D2HGDH: variants seen among roughly 807,000 people sequenced by gnomAD.
D2HGDH encodes the protein D-2-hydroxyglutarate dehydrogenase.
A neutral mutation model predicts 46.9 loss-of-function variants in D2HGDH; 31 were observed. The ratio of observed to expected loss-of-function variants is 0.66; its 90% CI spans 0.50 to 0.89. The LOEUF (loss-of-function observed/expected upper bound fraction) is 0.89. D2HGDH is among the 40% of genes least tolerant of loss of function. The pLI, the probability that D2HGDH is intolerant of heterozygous loss-of-function variation, is 0.00. For synonymous variants in D2HGDH, 364 were observed against 332.6 expected (o/e 1.09, Z -1.03); for missense variants, 698 against 720.8 (o/e 0.97, Z 0.36).
At chr2:241,759,876 G>A (rs992977284) in intron 9 of D2HGDH, among the ~76,000 whole-genome samples, 8 of 152,224 alleles carry the variant, frequency 5.3e-5, no homozygotes, top group South Asian at 2.1e-4. Flanking sequence ...AATTCTCTGC[G>A]TCCACTTGTC....
chr2:241,741,492 T>C (rs1286994479), intron 3 of D2HGDH, among the ~76,000 whole-genome samples: 3 of 151,606 alleles, frequency 2.0e-5, no homozygotes, highest in Admixed American at 2.0e-4. Flanking sequence ...TTATTTCATG[T>C]GTGGGGCTTG....
intron 3 of D2HGDH, among the ~76,000 whole-genome samples, chr2:241,741,396 G>C (rs554867190): frequency 6.6e-6 from 1 of 152,358 alleles, no homozygotes; most frequent in Admixed American, 6.5e-5. Context: ...TGTGGACAGT[G>C]CTTTAGATCA....
At position 241,768,199 on chromosome 2, in the gene D2HGDH, C is replaced by G; in HGVS notation, c.*230C>G. On this transcript the variant is annotated 3_prime_UTR_variant, in exon 10 of 10. Coordinates refer to ENST00000321264, the MANE Select transcript of D2HGDH (RefSeq NM_152783.5). The stretch of plus-strand genomic sequence containing the variant: ...CCTCCTTTGCAGGGCGAGGTGGGGC[C>G]TCTGCAGCCATCCTGGACAGGCCGG... The G allele has an allele frequency of 1.5e-6, 1 of 676,660 alleles. No individual in the cohort carries two copies. The highest frequency in any genetic ancestry group is 2.4e-6 in the Non-Finnish European group (1 of 411,670). 41.9% of individuals were successfully genotyped at this position (676,660 alleles called of 1,614,324 possible).
intron 6 of D2HGDH, among the ~76,000 whole-genome samples, chr2:241,745,825 C>A (rs1476182458): frequency 1.3e-5 from 2 of 152,178 alleles, no homozygotes; most frequent in Non-Finnish European, 2.9e-5. Flanking sequence ...CTCTTTTCCA[C>A]AGGCGCATGG....
intron 9 of D2HGDH, among the ~76,000 whole-genome samples, chr2:241,762,036 AG>A (rs1698870733): frequency 6.7e-6 from 1 of 148,598 alleles, no homozygotes; most frequent in African/African-American, 2.5e-5. Context: ...GAGGGAACAG[AG>A]GGAAATAAAT....
intron 2 of D2HGDH, among the ~76,000 whole-genome samples, chr2:241,737,060 C>G (rs948176285): frequency 6.6e-5 from 10 of 152,146 alleles, no homozygotes; most frequent in African/African-American, 2.4e-4. Flanking sequence ...GCTCCGCCTC[C>G]TGGCTTCACG....
At chr2:241,739,945 G>T (rs1289682174) in intron 2 of D2HGDH, among the ~76,000 whole-genome samples, 1 of 152,200 alleles carries the variant, frequency 6.6e-6, no homozygotes, top group Non-Finnish European at 1.5e-5. Context: ...ATGAGTTCAA[G>T]ATCAGACTGG....
At chr2:241,749,078 G>A in intron 6 of D2HGDH, 1 of 1,024,038 alleles carries the variant, frequency 9.8e-7, no homozygotes, top group African/African-American at 1.7e-5. Context: ...AGTCAGCCCT[G>A]GCTCCTGCTC....
In D2HGDH at chr2:241,742,697, A is replaced by C; in HGVS notation, c.490+123A>C. The C allele has an allele frequency of 7.7e-7, 1 of 1,301,214 alleles. No homozygotes were observed. The highest frequency in any genetic ancestry group is 1.1e-6 in the Non-Finnish European group (1 of 907,628). The allele number at this position is 1,301,214 out of a possible 1,614,324, so 80.6% of individuals were successfully genotyped here. ...GAATGAGTTAGGGCCGGCGCTGGGG[A>C]AAGAACCAGCGTCTGTAGCCTGGCC... On this transcript the variant is annotated intron_variant, in intron 4 of 9. Coordinates refer to ENST00000321264, the MANE Select transcript of D2HGDH (RefSeq NM_152783.5). The surrounding 1 kb of genome is among the most constrained non-coding windows in gnomAD (Gnocchi z 4.8).
intron 2 of D2HGDH, among the ~76,000 whole-genome samples, chr2:241,740,002 G>A (rs971858671): frequency 4.6e-5 from 7 of 152,116 alleles, no homozygotes; most frequent in South Asian, 4.1e-4. Context: ...AAAATTAGCC[G>A]GGCATGGTGG....
At chr2:241,764,219 AG>A (rs1699081308) in intron 9 of D2HGDH, among the ~76,000 whole-genome samples, 1 of 151,854 alleles carries the variant, frequency 6.6e-6, no homozygotes, top group South Asian at 2.1e-4. Flanking sequence ...GGACTGTGGG[AG>A]GGGTCCCTGC....
chr2:241,757,043 AGGGTCTAGGGTT>A lies in D2HGDH; in HGVS notation c.1306+1031_1306+1042del, dbSNP rs1384947190. 4.6e-5 allele frequency among the ~76,000 whole-genome samples: 7 copies of A among 152,224 alleles called. No individual in the cohort carries two copies. The East Asian group carries it at 1.3e-3, about 29-fold the overall frequency. ...CAGGTGCCACCTCTGTGGTTACAGG[AGGGTCTAGGGTT>A]GTGTACGTGACGACAATAACACGTA... On this transcript the variant is annotated intron_variant, in intron 9 of 9. Transcript: ENST00000321264.
intron 6 of D2HGDH, chr2:241,749,861 CCTG>C: frequency 2.1e-6 from 1 of 467,884 alleles, no homozygotes; most frequent in South Asian, 2.0e-5. Flanking sequence ...CCCTGCCCCT[CCTG>C]ATCTGATGCT....
intron 6 of D2HGDH, chr2:241,749,496 C>G (rs1696727910): frequency 1.2e-6 from 1 of 809,664 alleles, no homozygotes; most frequent in Admixed American, 4.0e-5. Context: ...TGAGGGTCGG[C>G]TTCCCCAGGG....
intron 7 of D2HGDH, among the ~76,000 whole-genome samples, chr2:241,750,984 G>A (rs948395728): frequency 6.6e-6 from 1 of 152,086 alleles, no homozygotes; most frequent in Non-Finnish European, 1.5e-5. Context: ...TCTCGAACTC[G>A]TGACCTCAGG....
chr2:241,752,187 C>T (rs900056971), intron 8 of D2HGDH, among the ~76,000 whole-genome samples: 1 of 152,194 alleles, frequency 6.6e-6, no homozygotes, highest in Non-Finnish European at 1.5e-5. Context: ...TTGCCATCTT[C>T]CCCCCTCACC....
In D2HGDH at chr2:241,734,634, C is replaced by G. The variant is rs1193769882; in HGVS notation, c.-154C>G. 2 of 151,404 alleles carry G rather than the reference C, an allele frequency of 1.3e-5. No individual in the cohort carries two copies. Among genetic ancestry groups the G allele is most frequent in the Non-Finnish European group, 2.9e-5 (2 of 67,840 alleles). The allele number at this position is 151,404 out of a possible 1,614,324, so 9.4% of individuals were successfully genotyped here. The stretch of plus-strand genomic sequence containing the variant: ...AGGCGCGGCGTCGCCCCGCCCACTC[C>G]GGCTCGGCGGCTCTGGGCCTGCGGC... On this transcript the variant is annotated 5_prime_UTR_variant, in exon 1 of 10. Coordinates refer to ENST00000321264, the MANE Select transcript of D2HGDH (RefSeq NM_152783.5).
chr2:241,741,040 C>T lies in D2HGDH; in HGVS notation c.300C>T (p.Ser100=), dbSNP rs1179441461. The T allele has an allele frequency of 8.7e-6, 14 of 1,613,882 alleles. No homozygotes were observed. Among genetic ancestry groups the T allele is most frequent in the Non-Finnish European group, 1.2e-5 (14 of 1,179,962 alleles). Reference sequence around the variant, plus strand: ...ATCTTCTTCCTGTCACAGGCTGTAGCAAGGTGCTGCTGAGGCCACGGACGT... The same window carrying T: ...ATCTTCTTCCTGTCACAGGCTGTAGTAAGGTGCTGCTGAGGCCACGGACGT... The part of the protein sequence containing the change: ...VDWLRTLRGC[S]KVLLRPRTSE... The change falls in exon 3 of 10, where the codon AGC becomes AGT. Residue 100 remains serine (S), a synonymous_variant. Transcript: ENST00000321264.
intron 9 of D2HGDH, among the ~76,000 whole-genome samples, chr2:241,756,490 TATTA>T (rs367961834): frequency 2.0e-5 from 3 of 152,224 alleles, no homozygotes; most frequent in African/African-American, 7.2e-5. Context: ...ACGTGTAAGC[TATTA>T]ATTCATAGGA....
Sources: gnomAD v4.1 joint callset for allele counts (sites outside exome capture counted in the v4.1 genomes callset) on GRCh38, gnomAD v4.1.1 for gene constraint, Gnocchi (gnomAD v3.1) non-coding constraint, MANE v1.5 for transcripts, NCBI Gene and HGNC (gene_info 2026-07-23, HGNC 2026-07-21) for gene names.